Variants in ASIC2 observed in about 807,000 individuals in gnomAD.
ASIC2 encodes acid-sensing ion channel 2.
In ASIC2, 25 loss-of-function variants were observed where a neutral mutation model predicts 57.3. That is an observed-to-expected ratio of 0.44 (90% CI 0.32 to 0.61). The LOEUF (loss-of-function observed/expected upper bound fraction) is 0.61. ASIC2 is among the 20% of genes least tolerant of loss of function. The pLI is 0.06. For missense variants in ASIC2, 641 were observed against 738.1 expected, an observed-to-expected ratio of 0.87 and a Z score of 1.52; for synonymous variants, 319 against 307.5, an observed-to-expected ratio of 1.04 and a Z score of -0.39.
intron 1 of ASIC2, among the ~76,000 whole-genome samples, chr17:33,462,001 C>T (rs969128590): frequency 1.3e-5 from 2 of 152,198 alleles, no homozygotes; most frequent in Admixed American, 6.5e-5. Flanking sequence ...TGAAAAAACA[C>T]GTATTTGCTT....
chr17:33,067,012 G>A (rs892113789), intron 3 of ASIC2, among the ~76,000 whole-genome samples: 6 of 152,186 alleles, frequency 3.9e-5, no homozygotes, highest in Admixed American at 3.3e-4. Flanking sequence ...GGATGAGTTA[G>A]TTACCAAGCA....
intron 1 of ASIC2, among the ~76,000 whole-genome samples, chr17:33,672,558 G>A (rs2142052082): frequency 6.6e-6 from 1 of 152,294 alleles, no homozygotes; most frequent in South Asian, 2.1e-4. Flanking sequence ...GGCTAAAGAT[G>A]GGCATGGTCG....
chr17:34,029,257 A>G (rs565146126), intron 1 of ASIC2, among the ~76,000 whole-genome samples: 2 of 151,830 alleles, frequency 1.3e-5, no homozygotes, highest in African/African-American at 2.4e-5. Flanking sequence ...GAAGATAAGG[A>G]TTTTTGTCTG....
intron 1 of ASIC2, among the ~76,000 whole-genome samples, chr17:33,247,648 T>G (rs1908737024): frequency 1.3e-5 from 2 of 152,174 alleles, no homozygotes; most frequent in South Asian, 4.1e-4. Flanking sequence ...AGGAGGCCAG[T>G]AGAGAACTGA....
At chr17:33,132,843 T>C (rs1364946770) in intron 1 of ASIC2, among the ~76,000 whole-genome samples, 2 of 152,018 alleles carry the variant, frequency 1.3e-5, no homozygotes, top group Non-Finnish European at 2.9e-5. Context: ...GTGCATGGAG[T>C]GGGAGATAAC....
At chr17:33,540,839 A>T (rs1054248559) in intron 1 of ASIC2, among the ~76,000 whole-genome samples, 1 of 152,236 alleles carries the variant, frequency 6.6e-6, no homozygotes, top group Non-Finnish European at 1.5e-5. Flanking sequence ...CAGTTATTGC[A>T]TCAGCTGAAT....
intron 2 of ASIC2, among the ~76,000 whole-genome samples, chr17:33,101,137 C>T (rs1349350585): frequency 6.6e-6 from 1 of 152,158 alleles, no homozygotes; most frequent in East Asian, 1.9e-4. Context: ...GCCTGCTCCT[C>T]TCATTCTGGG....
At chr17:33,458,687 G>A (rs772273083) in intron 1 of ASIC2, among the ~76,000 whole-genome samples, 1 of 152,132 alleles carries the variant, frequency 6.6e-6, no homozygotes, top group Non-Finnish European at 1.5e-5. Context: ...TATTGGTCAT[G>A]GTTCAAGTAC....
At position 33,453,472 on chromosome 17, in the gene ASIC2, G is replaced by A. The variant is rs551937890; in HGVS notation, c.556-341405C>T. ...GAAAAGAGGCAGGGAGGCCATGAAG[G>A]GATGTGAAGCGGAAGATGTTCTCAG... On this transcript the variant is annotated intron_variant, in intron 1 of 9. Coordinates refer to the ASIC2 transcript ENST00000359872. Among the ~76,000 whole-genome samples the A allele has an allele frequency of 1.1e-3, 175 of 152,254 alleles. 1 individual carries two copies. The highest frequency in any genetic ancestry group is 4.1e-3 in the African/African-American group (171 of 41,550).
At chr17:33,459,427 A>G (rs1912561225) in intron 1 of ASIC2, among the ~76,000 whole-genome samples, 3 of 152,174 alleles carry the variant, frequency 2.0e-5, no homozygotes, top group Admixed American at 2.0e-4. Flanking sequence ...ATTCAAACAG[A>G]AAAATGAAAC....
intron 1 of ASIC2, chr17:34,071,104 A>ACCCTTGTTACATGCAG (rs2142068141): frequency 6.6e-6 from 1 of 152,050 alleles, no homozygotes; most frequent in African/African-American, 2.4e-5. Flanking sequence ...AAGTGTGCAC[A>ACCCTTGTTACATGCAG]CACCCTTGTT....
intron 1 of ASIC2, among the ~76,000 whole-genome samples, chr17:33,324,364 C>T (rs539082450): frequency 1.3e-5 from 2 of 152,136 alleles, no homozygotes; most frequent in Non-Finnish European, 2.9e-5. Flanking sequence ...CCCTCAATTT[C>T]CACATCAGGT....
intron 1 of ASIC2, among the ~76,000 whole-genome samples, chr17:33,838,361 T>C (rs954809826): frequency 6.6e-6 from 1 of 152,166 alleles, no homozygotes; most frequent in Non-Finnish European, 1.5e-5. Flanking sequence ...CTTGAGTGAA[T>C]GACCAGCTGA....
intron 1 of ASIC2, among the ~76,000 whole-genome samples, chr17:33,206,122 G>A (rs1373297536): frequency 6.6e-6 from 1 of 152,196 alleles, no homozygotes; most frequent in Non-Finnish European, 1.5e-5. Flanking sequence ...CTCAAACCTA[G>A]ATGACAGGAG....
chr17:33,971,761 G>T (rs1315116619), intron 1 of ASIC2, among the ~76,000 whole-genome samples: 1 of 152,120 alleles, frequency 6.6e-6, no homozygotes, highest in Non-Finnish European at 1.5e-5. Context: ...ACAGAGCTGG[G>T]ACTCAAACTT....
At chr17:33,062,247 T>C (rs2092023850) in intron 3 of ASIC2, among the ~76,000 whole-genome samples, 1 of 152,170 alleles carries the variant, frequency 6.6e-6, no homozygotes, top group Non-Finnish European at 1.5e-5. Context: ...CTTTTAATTG[T>C]GATGTTAGGG....
At chr17:33,321,778 AT>A (rs1423796075) in intron 1 of ASIC2, among the ~76,000 whole-genome samples, 1 of 152,076 alleles carries the variant, frequency 6.6e-6, no homozygotes, top group African/African-American at 2.4e-5. Context: ...TTCATTATGC[AT>A]TTTCTTTTTG....
intron 2 of ASIC2, among the ~76,000 whole-genome samples, chr17:33,108,628 C>G (rs993886752): frequency 6.6e-6 from 1 of 152,218 alleles, no homozygotes; most frequent in Non-Finnish European, 1.5e-5. Flanking sequence ...ACTCACCTCC[C>G]ACTGGCCTAG....
At chr17:33,735,012 G>C (rs1235573137) in intron 1 of ASIC2, among the ~76,000 whole-genome samples, 1 of 152,156 alleles carries the variant, frequency 6.6e-6, no homozygotes, top group African/African-American at 2.4e-5. Context: ...TTCAGAGACT[G>C]CACTTCGCTG....
Sources: allele counts gnomAD v4.1 joint callset (sites outside exome capture counted in the v4.1 genomes callset), GRCh38; gene constraint gnomAD v4.1.1; transcripts MANE v1.5; gene names NCBI Gene and HGNC (gene_info 2026-07-23, HGNC 2026-07-21).